SYN2: variants seen among roughly 807,000 people sequenced by gnomAD.
The protein encoded by SYN2 is synapsin-2.
In SYN2, 19 loss-of-function variants were observed where a neutral mutation model predicts 50.9. That is an observed-to-expected ratio of 0.37 (90% CI 0.26 to 0.55). SYN2 has a LOEUF of 0.55. Ranked by LOEUF, SYN2 falls within the 20% of genes least tolerant of loss-of-function variation. The pLI, the probability that SYN2 is intolerant of heterozygous loss-of-function variation, is 0.81. For missense variants in SYN2, 587 were observed against 576.4 expected, an observed-to-expected ratio of 1.02 and a Z score of -0.19; for synonymous variants, 255 against 224.9, an observed-to-expected ratio of 1.13 and a Z score of -1.20.
chr3:12,145,039 A>G (rs780467604), intron 3 of SYN2, among the ~76,000 whole-genome samples: 12 of 152,128 alleles, frequency 7.9e-5, no homozygotes, highest in Non-Finnish European at 1.8e-4. Context: ...CAAAAAAACA[A>G]AAAATACAAA....
rs374278357 is a variant in SYN2 at position 12,167,652 on chromosome 3, C to T, written c.1055+344C>T. ...CCTCAAGTATTCCTTTATAGCAACA[C>T]AAAACAGACTAATCAAGGAGTGAGG... is the stretch of plus-strand genomic sequence containing the variant. On this transcript the variant is annotated intron_variant, in intron 8 of 12. Transcript: ENST00000621198. Among the ~76,000 whole-genome samples, 40 of 151,298 alleles carry T rather than the reference C, an allele frequency of 2.6e-4. No individual in the cohort carries two copies. The East Asian group carries it at 6.2e-3, about 23-fold the overall frequency.
rs564172851 is a variant in SYN2, at chr3:12,073,160, T to A, written c.378-67491T>A. Among the ~76,000 whole-genome samples, 10 of 152,324 alleles carry A rather than the reference T, an allele frequency of 6.6e-5. No homozygotes were observed. In the South Asian group the frequency reaches 1.5e-3, roughly 22 times the overall value. On this transcript the variant is annotated intron_variant, in intron 1 of 12. Coordinates refer to ENST00000621198, the MANE Select transcript of SYN2 (RefSeq NM_133625.6). ...TGTTAGAAAGTAAGTTTTCCCTTAG[T>A]TCTACATGTTTTCAGTAAAGCATCT...
intron 4 of SYN2, among the ~76,000 whole-genome samples, chr3:12,146,146 C>G (rs1697145306): frequency 6.6e-6 from 1 of 152,288 alleles, no homozygotes; most frequent in Non-Finnish European, 1.5e-5. Context: ...GTGAAGAAGC[C>G]CTTATAGGTC....
intron 1 of SYN2, among the ~76,000 whole-genome samples, chr3:12,045,807 A>G (rs1363196420): frequency 6.6e-6 from 1 of 152,190 alleles, no homozygotes; most frequent in Admixed American, 6.5e-5. Flanking sequence ...GAAGCACAGG[A>G]GAGTACTATA....
chr3:12,062,816 A>C (rs978486243), intron 1 of SYN2, among the ~76,000 whole-genome samples: 6 of 152,096 alleles, frequency 3.9e-5, no homozygotes, highest in Non-Finnish European at 8.8e-5. Context: ...CATAATCAGC[A>C]AAAACTGGAA....
intron 1 of SYN2, among the ~76,000 whole-genome samples, chr3:12,101,906 G>A (rs2125189526): frequency 1.3e-5 from 2 of 152,274 alleles, no homozygotes; most frequent in East Asian, 3.9e-4. Flanking sequence ...GGGGGATACA[G>A]GGATTAGTCA....
At chr3:12,138,710 C>T (rs190579195) in intron 1 of SYN2, among the ~76,000 whole-genome samples, 46 of 152,236 alleles carry the variant, frequency 3.0e-4, no homozygotes, top group Non-Finnish European at 5.6e-4. Context: ...ATACGAAATG[C>T]GAGGTTATTG....
intron 10 of SYN2, among the ~76,000 whole-genome samples, chr3:12,174,293 C>G (rs1260743266): frequency 6.6e-6 from 1 of 152,088 alleles, no homozygotes. Flanking sequence ...AAATATAACA[C>G]AGCCAAAGCA....
At chr3:12,167,125 AG>A in intron 7 of SYN2, 108 bp from the exon 8 acceptor site, 1 of 1,110,580 alleles carries the variant, frequency 9.0e-7, no homozygotes, top group Non-Finnish European at 1.3e-6. Flanking sequence ...TACTTGTGGG[AG>A]AAGCAGGTGT....
intron 1 of SYN2, among the ~76,000 whole-genome samples, chr3:12,065,682 A>G (rs774952310): frequency 5.3e-5 from 8 of 152,154 alleles, no homozygotes; most frequent in Non-Finnish European, 1.0e-4. Context: ...GGGCAACAGT[A>G]GACACTGGGG....
chr3:12,119,859 T>G (rs1006335804), intron 1 of SYN2, among the ~76,000 whole-genome samples: 10 of 152,238 alleles, frequency 6.6e-5, no homozygotes, highest in Admixed American at 2.6e-4. Context: ...CACCTTGAGT[T>G]TTTTATACAG....
At chr3:12,014,274 G>C (rs187170402) in intron 1 of SYN2, among the ~76,000 whole-genome samples, 20 of 152,300 alleles carry the variant, frequency 1.3e-4, no homozygotes, top group Non-Finnish European at 1.5e-4. Context: ...GAATTGAGCA[G>C]CAAGAGAGTC....
chr3:12,047,388 T>G (rs1694762192), intron 1 of SYN2, among the ~76,000 whole-genome samples: 1 of 152,190 alleles, frequency 6.6e-6, no homozygotes, highest in Non-Finnish European at 1.5e-5. Flanking sequence ...GGTCATCTAC[T>G]GAGAAGAAGG....
intron 1 of SYN2, among the ~76,000 whole-genome samples, chr3:12,116,515 A>T (rs549320137): frequency 6.6e-6 from 1 of 152,292 alleles, no homozygotes; most frequent in Non-Finnish European, 1.5e-5. Flanking sequence ...CAGAATATCC[A>T]CTGTCTTAGG....
chr3:12,095,562 A>C (rs1574937516), intron 1 of SYN2, among the ~76,000 whole-genome samples: 4 of 124,382 alleles, frequency 3.2e-5, no homozygotes, highest in South Asian at 2.8e-4. Context: ...AAAAAAAAAA[A>C]AAAAAAAAAA....
chr3:12,105,299 A>G (rs965709411), intron 1 of SYN2, among the ~76,000 whole-genome samples: 1 of 151,954 alleles, frequency 6.6e-6, no homozygotes, highest in Non-Finnish European at 1.5e-5. Flanking sequence ...TGCTGAACTC[A>G]TTTTTGGCCT....
At chr3:12,190,057 A>G (rs1251809404) in intron 12 of SYN2, among the ~76,000 whole-genome samples, 2 of 152,206 alleles carry the variant, frequency 1.3e-5, no homozygotes, top group Non-Finnish European at 2.9e-5. Context: ...ACCAGTTGAC[A>G]GTTGATAGAG....
At position 12,191,208 on chromosome 3, in the gene SYN2, G is replaced by A. The variant is rs892057181; in HGVS notation, c.*583G>A. 2.0e-6 allele frequency: 2 copies of A among 982,246 alleles called. No homozygotes were observed. Among genetic ancestry groups the A allele is most frequent in the African/African-American group, 3.5e-5 (2 of 57,242 alleles). 60.8% of individuals were successfully genotyped at this position (982,246 alleles called of 1,614,324 possible). Reference sequence around the variant, plus strand: ...AGCACCTTGAGTCTGCTGATATTCGGGAGAACAAGGATCTGCAGTTTCCCC... The same window carrying A: ...AGCACCTTGAGTCTGCTGATATTCGAGAGAACAAGGATCTGCAGTTTCCCC... On this transcript the variant is annotated 3_prime_UTR_variant, in exon 13 of 13. Transcript: ENST00000621198.
intron 1 of SYN2, among the ~76,000 whole-genome samples, chr3:12,138,685 C>G (rs1696951526): frequency 6.6e-6 from 1 of 152,196 alleles, no homozygotes; most frequent in Admixed American, 6.5e-5. Flanking sequence ...ACATGCTTTG[C>G]AAATGCAAGG....
Sources: allele counts gnomAD v4.1 joint callset (sites outside exome capture counted in the v4.1 genomes callset), GRCh38; gene constraint gnomAD v4.1.1; transcripts MANE v1.5; gene names NCBI Gene and HGNC (gene_info 2026-07-23, HGNC 2026-07-21).